FAM78B: variants seen among roughly 807,000 people sequenced by gnomAD.
FAM78B encodes the protein family with sequence similarity 78 member B, also known as protein FAM78B.
A neutral mutation model predicts 20.0 loss-of-function variants in FAM78B; 10 were observed. The ratio of observed to expected loss-of-function variants is 0.50; its 90% CI spans 0.31 to 0.85. The LOEUF is 0.85. Among genes scored for constraint, FAM78B ranks in the 40% least tolerant of loss-of-function variants. The probability of loss-of-function intolerance (pLI) is 0.05; values close to 1 mark genes in which losing one functional copy is unlikely to be tolerated. For missense variants in FAM78B, 283 were observed against 345.0 expected (o/e 0.82, Z 1.42); for synonymous variants, 135 against 132.8 (o/e 1.02, Z -0.12).
chr1:166,129,399 AG>A (rs1271212797), intron 1 of FAM78B, among the ~76,000 whole-genome samples: 1 of 152,036 alleles, frequency 6.6e-6, no homozygotes, highest in Non-Finnish European at 1.5e-5. Flanking sequence ...TTATTTGTTG[AG>A]GGCCATATAA....
chr1:166,104,841 T>C (rs898318978), intron 1 of FAM78B, among the ~76,000 whole-genome samples: 1 of 152,150 alleles, frequency 6.6e-6, no homozygotes, highest in African/African-American at 2.4e-5. Context: ...CTTCACAGAA[T>C]TGGAAAAAAC....
chr1:166,157,964 C>T (rs1459963633), intron 1 of FAM78B, among the ~76,000 whole-genome samples: 1 of 152,174 alleles, frequency 6.6e-6, no homozygotes, highest in Admixed American at 6.5e-5. Context: ...AGATATGGCT[C>T]TTACAGCTAA....
intron 1 of FAM78B, among the ~76,000 whole-genome samples, chr1:166,090,495 G>A (rs1653024376): frequency 6.6e-6 from 1 of 152,204 alleles, no homozygotes. Flanking sequence ...TGGAATGAGA[G>A]CTCTCCAAGG....
chr1:166,138,326 C>T (rs1426138561), intron 1 of FAM78B, among the ~76,000 whole-genome samples: 1 of 152,086 alleles, frequency 6.6e-6, no homozygotes, highest in Non-Finnish European at 1.5e-5. Context: ...AAGGAAGTTG[C>T]CCACCCCCTG....
intron 1 of FAM78B, among the ~76,000 whole-genome samples, chr1:166,100,918 A>G (rs1653486739): frequency 6.6e-6 from 1 of 152,242 alleles, no homozygotes; most frequent in Non-Finnish European, 1.5e-5. Flanking sequence ...TAACCCCCTG[A>G]GTAGCCTAAC....
intron 1 of FAM78B, among the ~76,000 whole-genome samples, chr1:166,100,262 G>T (rs10737523): frequency 0.99 from 150,807 of 152,332 alleles, 74,658 homozygotes; most frequent in Middle Eastern, 1. Context: ...GCTCCCAGCA[G>T]GAGCGATGCA....
intron 1 of FAM78B, among the ~76,000 whole-genome samples, chr1:166,074,222 G>A (rs1652169210): frequency 6.6e-6 from 1 of 151,986 alleles, no homozygotes; most frequent in Non-Finnish European, 1.5e-5. Flanking sequence ...CCATCATCTG[G>A]CCTCCCCATC....
rs1215891381 is a variant in FAM78B at position 166,109,832 on chromosome 1, GTATATA to G, written c.264-39075_264-39070del. Reference sequence around the variant, plus strand: ...TATATATGTATATATATATATATATGTATATATGTATATATATATATATATATATGT... The same window carrying G: ...TATATATGTATATATATATATATATGTGTATATATATATATATATATATGT... On this transcript the variant is annotated intron_variant, in intron 1 of 1. Transcript: ENST00000354422. Among the ~76,000 whole-genome samples, 30 of 28,282 alleles carry G rather than the reference GTATATA, an allele frequency of 1.1e-3. 6 individuals carry two copies. The highest frequency in any genetic ancestry group is 5.8e-3 in the East Asian group (4 of 694). The allele number at this position is 28,282 out of a possible 152,430, so 18.6% of individuals were successfully genotyped here. A position where few individuals can be genotyped will look rare whatever the true frequency, so the allele number is the denominator to read the frequency against.
Position 166,070,679 on chromosome 1 carries a change from C to A in FAM78B, c.348G>T (p.Gly116=), listed in dbSNP as rs1207953896. Reference sequence around the variant, plus strand: ...CCAGGGTCACAGTTTCTGTGGTGTTCCCGTACCAAGGGTAGCTCACCCCAT... The same window carrying A: ...CCAGGGTCACAGTTTCTGTGGTGTTACCGTACCAAGGGTAGCTCACCCCAT... ...DSDGVSYPWY[G]NTTETVTLVG... The change falls in exon 2 of 2, where the codon GGG becomes GGT. Residue 116 remains glycine (G), a synonymous_variant. Transcript: ENST00000354422. The A allele has an allele frequency of 2.5e-6, 4 of 1,613,414 alleles. No individual in the cohort carries two copies. The South Asian group carries it at 3.3e-5, about 13-fold the overall frequency.
At chr1:166,109,862 G>GTATATATA (rs1491187344) in intron 1 of FAM78B, among the ~76,000 whole-genome samples, 1 of 16,270 alleles carries the variant, frequency 6.1e-5, no homozygotes, top group African/African-American at 1.8e-4. Flanking sequence ...ATATATATAT[G>GTATATATA]TATGTGTATA....
chr1:166,075,563 A>G (rs532324877), intron 1 of FAM78B, among the ~76,000 whole-genome samples: 1 of 152,204 alleles, frequency 6.6e-6, no homozygotes, highest in East Asian at 1.9e-4. Context: ...CATGAGGATG[A>G]TGAGGACGGG....
At chr1:166,128,082 T>C (rs1253323095) in intron 1 of FAM78B, among the ~76,000 whole-genome samples, 2 of 152,080 alleles carry the variant, frequency 1.3e-5, no homozygotes, top group Non-Finnish European at 2.9e-5. Context: ...GCCTAAAACA[T>C]AGGAAGTGAA....
intron 1 of FAM78B, among the ~76,000 whole-genome samples, chr1:166,106,475 A>T (rs1041703568): frequency 5.9e-5 from 9 of 152,204 alleles, no homozygotes; most frequent in African/African-American, 2.2e-4. Flanking sequence ...GTACACATAC[A>T]CCATGGAATA....
intron 1 of FAM78B, among the ~76,000 whole-genome samples, chr1:166,134,213 C>T (rs1489468305): frequency 1.5e-5 from 2 of 136,110 alleles, no homozygotes; most frequent in African/African-American, 5.4e-5. Flanking sequence ...CACCCCCGAC[C>T]CCACTATTCT....
In FAM78B at chr1:166,166,407, AG is replaced by A; in HGVS notation, c.-160del. On this transcript the variant is annotated 5_prime_UTR_variant, in exon 1 of 2. An upstream open reading frame in the 5' UTR gains an earlier in-frame stop. Coordinates refer to ENST00000354422, the MANE Select transcript of FAM78B (RefSeq NM_001017961.5). The stretch of plus-strand genomic sequence containing the variant: ...GGGAGCCGCCGGGCATCCTTGGGGA[AG>A]CCCCCTCCTCTTGCAGCCGCGCGGG... The A allele has an allele frequency of 3.8e-6, 2 of 533,144 alleles. No individual in the cohort carries two copies. Among genetic ancestry groups the A allele is most frequent in the Non-Finnish European group, 4.9e-6 (2 of 411,022 alleles). 33.0% of individuals were successfully genotyped at this position (533,144 alleles called of 1,614,324 possible).
chr1:166,060,672 G>A, intron 2 of FAM78B: 1 of 1,284,476 alleles, frequency 7.8e-7, no homozygotes, highest in Non-Finnish European at 1.0e-6. Context: ...ACCTGTATGT[G>A]GACATGGAAA....
intron 1 of FAM78B, among the ~76,000 whole-genome samples, chr1:166,106,445 T>TA (rs937458114): frequency 6.6e-4 from 98 of 148,250 alleles, no homozygotes; most frequent in African/African-American, 2.2e-3. Flanking sequence ...AAACTTAAAT[T>TA]AAAAAAAAAA....
At chr1:166,072,155 G>A (rs1652074419) in intron 1 of FAM78B, among the ~76,000 whole-genome samples, 2 of 152,196 alleles carry the variant, frequency 1.3e-5, no homozygotes, top group Admixed American at 1.3e-4. Flanking sequence ...GTCTTAAAGG[G>A]AATTGCATTG....
chr1:166,070,784 C>T (rs1465373935), intron 1 of FAM78B, 21 bp from the exon 2 acceptor site: 1 of 1,520,632 alleles, frequency 6.6e-7, no homozygotes, highest in Non-Finnish European at 8.8e-7. Flanking sequence ...AGAAGACATG[C>T]ACAAGAAAAG....
Sources: gnomAD v4.1 joint callset for allele counts (sites outside exome capture counted in the v4.1 genomes callset) on GRCh38, gnomAD v4.1.1 for gene constraint, MANE v1.5 for transcripts, NCBI Gene and HGNC (gene_info 2026-07-23, HGNC 2026-07-21) for gene names.